The following EDEM3 variants were observed in gnomAD, a reference collection of about 807,000 sequenced individuals.
The protein encoded by EDEM3 is ER degradation-enhancing alpha-mannosidase-like protein 3.
Under a neutral mutation model 110.2 loss-of-function variants are expected in EDEM3, and 60 were observed. That is an observed-to-expected ratio of 0.54 (90% CI 0.44 to 0.67). EDEM3 has a LOEUF of 0.67. EDEM3 is among the 30% of genes least tolerant of loss of function. The probability of loss-of-function intolerance (pLI) is 0.00; values close to 1 mark genes in which losing one functional copy is unlikely to be tolerated. For synonymous variants in EDEM3, 352 were observed against 382.9 expected, an observed-to-expected ratio of 0.92 and a Z score of 0.94; for missense variants, 996 against 1,121.0, an observed-to-expected ratio of 0.89 and a Z score of 1.59.
intron 2 of EDEM3, among the ~76,000 whole-genome samples, chr1:184,748,074 C>T (rs781075925): frequency 1.3e-5 from 2 of 152,084 alleles, no homozygotes; most frequent in Non-Finnish European, 2.9e-5. Context: ...TTAAATTATG[C>T]TTTGCCCAAA....
At chr1:184,733,030 A>G (rs1445926694) in intron 5 of EDEM3, 40 bp from the exon 6 acceptor site, 1 of 1,581,416 alleles carries the variant, frequency 6.3e-7, no homozygotes, top group Non-Finnish European at 8.6e-7. Context: ...TATCTTATAG[A>G]CAATTAAAAG....
intron 8 of EDEM3, among the ~76,000 whole-genome samples, 189 bp downstream of exon 8, chr1:184,723,562 C>A (rs1651018000): frequency 6.6e-6 from 1 of 151,922 alleles, no homozygotes. Context: ...AATACTAAAT[C>A]ATGTAGAAGA....
At chr1:184,742,962 C>A (rs1010179771) in intron 2 of EDEM3, among the ~76,000 whole-genome samples, 5 of 152,122 alleles carry the variant, frequency 3.3e-5, no homozygotes, top group Admixed American at 6.5e-5. Context: ...CTTCATACTG[C>A]TGTTTTTTAG....
At chr1:184,749,094 A>C (rs1652606044) in intron 2 of EDEM3, among the ~76,000 whole-genome samples, 1 of 152,214 alleles carries the variant, frequency 6.6e-6, no homozygotes, top group South Asian at 2.1e-4. Context: ...CAAACTAAAA[A>C]GCAAAATATA....
intron 18 of EDEM3, 31 bp from the exon 19 acceptor site, chr1:184,703,027 A>T: frequency 6.6e-7 from 1 of 1,526,282 alleles, no homozygotes; most frequent in East Asian, 2.4e-5. Context: ...GCAAACATCA[A>T]AATATCCAGC....
At chr1:184,749,497 A>G in intron 2 of EDEM3, 50 bp downstream of exon 2, 1 of 1,361,780 alleles carries the variant, frequency 7.3e-7, no homozygotes, top group Non-Finnish European at 1.0e-6. Flanking sequence ...CTGTGCTCAC[A>G]TAATAATCAA....
At chr1:184,705,581 A>C (rs1271241076) in intron 18 of EDEM3, among the ~76,000 whole-genome samples, 3 of 152,174 alleles carry the variant, frequency 2.0e-5, no homozygotes, top group Non-Finnish European at 4.4e-5. Flanking sequence ...ATTAAACAGG[A>C]CTTCTCCTAA....
chr1:184,738,830 T>C (rs563605767), intron 2 of EDEM3, among the ~76,000 whole-genome samples: 1 of 152,328 alleles, frequency 6.6e-6, no homozygotes, highest in Admixed American at 6.5e-5. Context: ...TCTCATACAT[T>C]ATGTTTGTCA....
Position 184,691,745 on chromosome 1 carries a change from G to A in EDEM3, c.*2318C>T, listed in dbSNP as rs1208093464. 2 of 151,928 alleles carry A rather than the reference G, an allele frequency of 1.3e-5. No individual in the cohort carries two copies. Among genetic ancestry groups the A allele is most frequent in the African/African-American group, 2.4e-5 (1 of 41,380 alleles). 9.4% of individuals were successfully genotyped at this position (151,928 alleles called of 1,614,324 possible). On this transcript the variant is annotated 3_prime_UTR_variant, in exon 20 of 20. Coordinates refer to ENST00000318130, the MANE Select transcript of EDEM3 (RefSeq NM_025191.4). Reference sequence around the variant, plus strand: ...ATTACAACGTTGGAGTTTTTTAGACGAACATTATCTCCTCTTTTCTTAACT... The same window carrying A: ...ATTACAACGTTGGAGTTTTTTAGACAAACATTATCTCCTCTTTTCTTAACT...
Position 184,749,544 on chromosome 1 carries a change from T to G in EDEM3, c.204+3A>C. ...GGTAGGTAAAGATAAGCTTCCTACT[T>G]ACCATATAGTTACCATAAGCATGAT... On this transcript the variant is annotated splice_donor_region_variant and intron_variant, in intron 2 of 19. Transcript: ENST00000318130. The G allele has an allele frequency of 6.4e-7, 1 of 1,571,068 alleles. No homozygotes were observed. The highest frequency in any genetic ancestry group is 8.6e-7 in the Non-Finnish European group (1 of 1,156,798).
chr1:184,741,673 CA>C (rs1010260766), intron 2 of EDEM3, among the ~76,000 whole-genome samples: 4 of 152,124 alleles, frequency 2.6e-5, no homozygotes, highest in Non-Finnish European at 5.9e-5. Flanking sequence ...AAGGCTTCTC[CA>C]ATTTCTTAGT....
chr1:184,706,893 AG>A, intron 17 of EDEM3, 85 bp from the exon 18 acceptor site: 1 of 1,311,134 alleles, frequency 7.6e-7, no homozygotes, highest in Non-Finnish European at 1.0e-6. Context: ...GAGTTTTAAA[AG>A]AACTAGAACT....
At chr1:184,724,203 T>C (rs1204650809) in intron 7 of EDEM3, among the ~76,000 whole-genome samples, 1 of 152,094 alleles carries the variant, frequency 6.6e-6, no homozygotes, top group Non-Finnish European at 1.5e-5. Context: ...TATTAATTGC[T>C]TACATAATTG....
chr1:184,736,314 A>T lies in EDEM3; in HGVS notation c.345+711T>A, dbSNP rs572430260. On this transcript the variant is annotated intron_variant, in intron 4 of 19. Transcript: ENST00000318130. ...AACATTGAGAAGCCCAGTTCCAAAA[A>T]ATTTCTGATACCCCAAAGGTTTTTT... 5.2e-4 allele frequency among the ~76,000 whole-genome samples: 79 copies of T among 152,256 alleles called. 1 individual carries two copies. Among genetic ancestry groups the T allele is most frequent in the South Asian group, 3.1e-3 (15 of 4,830 alleles).
chr1:184,726,228 G>C (rs756361927), intron 7 of EDEM3, 27 bp downstream of exon 7: 11 of 1,610,248 alleles, frequency 6.8e-6, no homozygotes, highest in Non-Finnish European at 9.3e-6. Flanking sequence ...CCAATACCCA[G>C]GATATCAAAG....
At chr1:184,754,424 T>C in intron 1 of EDEM3, 65 bp downstream of exon 1, 1 of 1,600,206 alleles carries the variant, frequency 6.2e-7, no homozygotes, top group Non-Finnish European at 8.5e-7. Flanking sequence ...CGGGTCGCAA[T>C]GACAGGCACC....
chr1:184,742,687 C>T (rs1652210650), intron 2 of EDEM3, among the ~76,000 whole-genome samples: 1 of 152,328 alleles, frequency 6.6e-6, no homozygotes, highest in South Asian at 2.1e-4. Flanking sequence ...CCATGCCCAG[C>T]CCCTAATTAC....
chr1:184,696,187 A>G (rs1318630809), intron 19 of EDEM3, among the ~76,000 whole-genome samples: 1 of 151,836 alleles, frequency 6.6e-6, no homozygotes, highest in Non-Finnish European at 1.5e-5. Flanking sequence ...ACCCAAACAG[A>G]CTTTTCTTCT....
At chr1:184,739,966 T>C (rs767920277) in intron 2 of EDEM3, among the ~76,000 whole-genome samples, 4 of 152,130 alleles carry the variant, frequency 2.6e-5, no homozygotes, top group Admixed American at 6.5e-5. Context: ...TTGATGCTGG[T>C]GGCCCTGCAT....
Sources: allele counts gnomAD v4.1 joint callset (sites outside exome capture counted in the v4.1 genomes callset), GRCh38; gene constraint gnomAD v4.1.1; transcripts MANE v1.5; gene names NCBI Gene and HGNC (gene_info 2026-07-23, HGNC 2026-07-21).